PDE8B: variants seen among roughly 807,000 people sequenced by gnomAD.
PDE8B encodes high affinity cAMP-specific and IBMX-insensitive 3',5'-cyclic phosphodiesterase 8B.
Under a neutral mutation model 101.3 loss-of-function variants are expected in PDE8B, and 26 were observed. That is an observed-to-expected ratio of 0.26 (90% CI 0.19 to 0.36). The LOEUF is 0.36. Ranked by LOEUF, PDE8B falls within the 10% of genes least tolerant of loss-of-function variation. The pLI, the probability that PDE8B is intolerant of heterozygous loss-of-function variation, is 1.00. For synonymous variants in PDE8B, 424 were observed against 429.3 expected (o/e 0.99, Z 0.15); for missense variants, 810 against 1,163.1 (o/e 0.70, Z 4.42).
intron 1 of PDE8B, among the ~76,000 whole-genome samples, chr5:77,250,383 A>G (rs1446712182): frequency 6.6e-6 from 1 of 152,158 alleles, no homozygotes; most frequent in Non-Finnish European, 1.5e-5. Context: ...TCCCTCTATG[A>G]TGATTCCAGG....
At chr5:77,295,913 C>T (rs543420815) in intron 1 of PDE8B, among the ~76,000 whole-genome samples, 105 of 152,288 alleles carry the variant, frequency 6.9e-4, no homozygotes, top group Non-Finnish European at 1.2e-3. Flanking sequence ...AACAACCTCA[C>T]TACACATTTC....
chr5:77,092,983 T>C, the PDE8B span, among the ~76,000 whole-genome samples: 18 of 152,226 alleles, frequency 1.2e-4, no homozygotes, highest in African/African-American at 3.9e-4. Context: ...CATGCAATTA[T>C]GGAGCTGTGT....
chr5:77,196,261 C>A, the PDE8B span, among the ~76,000 whole-genome samples: 1 of 152,090 alleles, frequency 6.6e-6, no homozygotes, highest in Non-Finnish European at 1.5e-5. Context: ...ATTTGATGTA[C>A]AAAAACTTTT....
intron 1 of PDE8B, among the ~76,000 whole-genome samples, chr5:77,306,060 G>A (rs754902340): frequency 6.6e-5 from 10 of 152,120 alleles, no homozygotes; most frequent in South Asian, 4.2e-4. Context: ...ACATGCACAC[G>A]CATGCATACC....
chr5:77,287,377 G>GT (rs1766240133), intron 1 of PDE8B, among the ~76,000 whole-genome samples: 1 of 151,494 alleles, frequency 6.6e-6, no homozygotes, highest in African/African-American at 2.4e-5. Flanking sequence ...ATTTTTAAAC[G>GT]TTTTTCACCT....
At chr5:77,347,970 T>C (rs1217526589) in intron 7 of PDE8B, among the ~76,000 whole-genome samples, 1 of 152,076 alleles carries the variant, frequency 6.6e-6, no homozygotes, top group East Asian at 1.9e-4. Flanking sequence ...GAGTACTACA[T>C]GTCAGTAATG....
chr5:77,339,964 AC>A (rs772805179), intron 6 of PDE8B, among the ~76,000 whole-genome samples: 9 of 152,198 alleles, frequency 5.9e-5, no homozygotes, highest in Admixed American at 1.3e-4. Context: ...TTGATGAATT[AC>A]TCTGTTGAAT....
chr5:77,289,304 A>G (rs142397354), intron 1 of PDE8B, among the ~76,000 whole-genome samples: 1,982 of 152,334 alleles, frequency 0.013, 22 homozygotes, highest in Middle Eastern at 0.082. Flanking sequence ...AATTGCTTGT[A>G]AAGGCTTTTA....
chr5:77,323,827 C>T (rs1342903660), intron 2 of PDE8B, among the ~76,000 whole-genome samples: 2 of 151,960 alleles, frequency 1.3e-5, no homozygotes, highest in Non-Finnish European at 2.9e-5. Context: ...GGCATGGTGG[C>T]GGGCGCCTGT....
intron 10 of PDE8B, among the ~76,000 whole-genome samples, chr5:77,388,062 G>A (rs199763907): frequency 3.9e-5 from 6 of 152,000 alleles, no homozygotes; most frequent in East Asian, 1.9e-4. Context: ...ACCCACCTTC[G>A]GAAGCCTACT....
At chr5:77,344,507 C>T (rs1054475028) in intron 6 of PDE8B, among the ~76,000 whole-genome samples, 3 of 152,226 alleles carry the variant, frequency 2.0e-5, no homozygotes, top group Non-Finnish European at 4.4e-5. Flanking sequence ...GGTTCTGTGT[C>T]TGGTGAGGGC....
intron 1 of PDE8B, among the ~76,000 whole-genome samples, chr5:77,225,937 A>G (rs1319572423): frequency 6.9e-6 from 1 of 144,432 alleles, no homozygotes; most frequent in Non-Finnish European, 1.5e-5. Context: ...ATCAATATGA[A>G]CACTGAAAAC....
intron 20 of PDE8B, among the ~76,000 whole-genome samples, chr5:77,423,880 G>A (rs1460293001): frequency 1.3e-5 from 2 of 151,746 alleles, no homozygotes; most frequent in East Asian, 1.9e-4. Flanking sequence ...CAGGCAATCC[G>A]CCTGCCTTGG....
At chr5:77,095,743 G>A in the PDE8B span, among the ~76,000 whole-genome samples, 4 of 151,960 alleles carry the variant, frequency 2.6e-5, no homozygotes, top group African/African-American at 4.8e-5. Context: ...TAATTTCTTT[G>A]GGGCATTGTC....
intron 1 of PDE8B, chr5:77,290,818 G>A: frequency 6.7e-7 from 1 of 1,501,678 alleles, no homozygotes; most frequent in Non-Finnish European, 9.3e-7. Context: ...ATGATCTGTG[G>A]AAATGTCTGC....
At chr5:77,189,778 G>A in the PDE8B span, among the ~76,000 whole-genome samples, 13 of 152,250 alleles carry the variant, frequency 8.5e-5, no homozygotes, top group East Asian at 2.5e-3. Flanking sequence ...GATGGGAAGT[G>A]GGGGGTCTGA....
the PDE8B span, among the ~76,000 whole-genome samples, chr5:77,097,701 A>ATCTATATATATATATATC: frequency 4.6e-5 from 1 of 21,648 alleles, no homozygotes; most frequent in African/African-American, 1.3e-4. Context: ...ATCTATATAT[A>ATCTATATATATATATATC]TATATCTATA....
chr5:77,163,150 AT>A, the PDE8B span, among the ~76,000 whole-genome samples: 4 of 152,322 alleles, frequency 2.6e-5, no homozygotes, highest in African/African-American at 9.6e-5. Context: ...TACCTTCTGA[AT>A]TCAGTTTCGT....
chr5:77,345,313 C>T (rs187296313), intron 7 of PDE8B, among the ~76,000 whole-genome samples: 1 of 152,280 alleles, frequency 6.6e-6, no homozygotes, highest in Admixed American at 6.5e-5. Context: ...GCATGTGCCA[C>T]CACACTCAGC....
Sources: allele counts gnomAD v4.1 joint callset (sites outside exome capture counted in the v4.1 genomes callset), GRCh38; gene constraint gnomAD v4.1.1; transcripts MANE v1.5; gene names NCBI Gene and HGNC (gene_info 2026-07-23, HGNC 2026-07-21).